Variants in BNIP3L observed in about 807,000 individuals in gnomAD.
BNIP3L encodes BCL2/adenovirus E1B 19 kDa protein-interacting protein 3-like.
BNIP3L carries 10 observed loss-of-function variants against 25.5 expected under a neutral mutation model. The ratio of observed to expected loss-of-function variants is 0.39; its 90% CI spans 0.24 to 0.67. The LOEUF is 0.67. BNIP3L is among the 30% of genes least tolerant of loss of function. The probability of loss-of-function intolerance (pLI) is 0.45; values close to 1 mark genes in which losing one functional copy is unlikely to be tolerated. For missense variants in BNIP3L, 215 were observed against 270.9 expected, an observed-to-expected ratio of 0.79 and a Z score of 1.45; for synonymous variants, 113 against 101.2, an observed-to-expected ratio of 1.12 and a Z score of -0.70.
chr8:26,412,649 C>T lies in BNIP3L; in HGVS notation c.*2237C>T, dbSNP rs1205120313. Reference sequence around the variant, plus strand: ...CTGTAGCCCTAACACATGGGATGAACGTTTTACTGCTACACCCAGATTTGT... The same window carrying T: ...CTGTAGCCCTAACACATGGGATGAATGTTTTACTGCTACACCCAGATTTGT... On this transcript the variant is annotated 3_prime_UTR_variant, in exon 6 of 6. Transcript: ENST00000380629. The T allele has an allele frequency of 3.9e-5, 6 of 152,494 alleles. No homozygotes were observed. The highest frequency in any genetic ancestry group is 7.2e-5 in the African/African-American group (3 of 41,404). The allele number at this position is 152,494 out of a possible 1,614,324, so 9.4% of individuals were successfully genotyped here. A position where few individuals can be genotyped will look rare whatever the true frequency, so the allele number is the denominator to read the frequency against.
At chr8:26,392,581 C>T (rs1040602673) in intron 2 of BNIP3L, among the ~76,000 whole-genome samples, 12 of 152,108 alleles carry the variant, frequency 7.9e-5, no homozygotes, top group African/African-American at 1.9e-4. Flanking sequence ...CCGCCACCCC[C>T]GTGTCATCCC....
In BNIP3L at chr8:26,408,333, A is replaced by G. The variant is rs1236873163; in HGVS notation, c.568A>G (p.Ile190Val). 1 of 1,614,164 alleles carries G rather than the reference A, an allele frequency of 6.2e-7. No homozygotes were observed. Among genetic ancestry groups the G allele is most frequent in the Admixed American group, 1.7e-5 (1 of 60,016 alleles). ...IFSAEFLKVF[I>V]PSLFLSHVLA... is the part of the protein sequence containing the mutation. ...CTCCGCAGAATTTCTGAAGGTGTTC[A>G]TTCCATCTCTCTTCCTTTCTCATGT... Residue 190 changes from isoleucine to valine, a missense_variant, in exon 5 of 6, where the codon ATT becomes GTT. Ile to Val is a conservative substitution (Grantham distance 29). This residue lies in a region of BNIP3L where 63 missense variants were observed against 98.8 expected (regional missense o/e 0.64). Transcript: ENST00000380629.
intron 3 of BNIP3L, among the ~76,000 whole-genome samples, chr8:26,405,603 C>T (rs1806480734): frequency 6.6e-6 from 1 of 152,168 alleles, no homozygotes; most frequent in South Asian, 2.1e-4. Context: ...GTGAATATGT[C>T]AGACTCTGCA....
intron 3 of BNIP3L, among the ~76,000 whole-genome samples, chr8:26,404,292 C>T (rs1806452745): frequency 6.6e-6 from 1 of 152,078 alleles, no homozygotes; most frequent in African/African-American, 2.4e-5. Flanking sequence ...CCAAAAATGC[C>T]AGCACAATGT....
chr8:26,403,107 A>G (rs1230675670), intron 3 of BNIP3L, among the ~76,000 whole-genome samples: 2 of 152,216 alleles, frequency 1.3e-5, no homozygotes, highest in Non-Finnish European at 2.9e-5. Flanking sequence ...AGCATAGGCT[A>G]TCATCAAGAG....
At chr8:26,383,625 G>T in intron 1 of BNIP3L, 1 of 388,548 alleles carries the variant, frequency 2.6e-6, no homozygotes, top group Non-Finnish European at 3.5e-6. Flanking sequence ...CGTGCGGCGG[G>T]GACGCCGGGG....
chr8:26,408,275 G>A lies in BNIP3L; in HGVS notation c.510G>A (p.Arg170=). Reference sequence around the variant, plus strand: ...AACGTTCTGTGTCTTTAAGCATGAGGAAAAGTGGAGCCATGAAGAAAGGGG... The same window carrying A: ...AACGTTCTGTGTCTTTAAGCATGAGAAAAAGTGGAGCCATGAAGAAAGGGG... ...HPKRSVSLSM[R]KSGAMKKGGI... The change falls in exon 5 of 6, where the codon AGG becomes AGA. Residue 170 remains arginine, a synonymous_variant. Coordinates refer to ENST00000380629, the MANE Select transcript of BNIP3L (RefSeq NM_004331.3). The A allele has an allele frequency of 6.2e-7, 1 of 1,614,174 alleles. No individual in the cohort carries two copies. The highest frequency in any genetic ancestry group is 8.5e-7 in the Non-Finnish European group (1 of 1,180,010).
At chr8:26,391,881 C>T (rs927624157) in intron 2 of BNIP3L, among the ~76,000 whole-genome samples, 2 of 152,202 alleles carry the variant, frequency 1.3e-5, no homozygotes, top group African/African-American at 2.4e-5. Flanking sequence ...AGTAATGGTG[C>T]TGGCACGTAG....
At position 26,408,363 on chromosome 8, in the gene BNIP3L, G is replaced by A; in HGVS notation, c.598G>A (p.Ala200Thr). 1 of 1,614,040 alleles carries A rather than the reference G, an allele frequency of 6.2e-7. No individual in the cohort carries two copies. The highest frequency in any genetic ancestry group is 8.5e-7 in the Non-Finnish European group (1 of 1,179,984). The change falls in exon 5 of 6, where the codon GCT becomes ACT. Residue 200 changes from alanine to threonine, a missense_variant. Physicochemically the swap from Ala to Thr is moderately conservative, Grantham distance 58. This residue lies in a region of BNIP3L where 63 missense variants were observed against 98.8 expected (regional missense o/e 0.64). Coordinates refer to ENST00000380629, the MANE Select transcript of BNIP3L (RefSeq NM_004331.3). Reference sequence around the variant, plus strand: ...ATCTCTCTTCCTTTCTCATGTTTTGGCTTTGGGGCTAGGGTAAGTACCGGT... The same window carrying A: ...ATCTCTCTTCCTTTCTCATGTTTTGACTTTGGGGCTAGGGTAAGTACCGGT... ...IPSLFLSHVL[A>T]LGLGIYIGKR...
At chr8:26,394,934 A>G (rs1806200029) in intron 2 of BNIP3L, among the ~76,000 whole-genome samples, 2 of 152,244 alleles carry the variant, frequency 1.3e-5, no homozygotes, top group African/African-American at 4.8e-5. Context: ...AAAAGAGTAA[A>G]TATAAGAGAA....
At chr8:26,396,573 T>C (rs1245789144) in intron 3 of BNIP3L, among the ~76,000 whole-genome samples, 3 of 145,986 alleles carry the variant, frequency 2.1e-5, no homozygotes, top group Non-Finnish European at 4.5e-5. Flanking sequence ...GCGCCTCTCC[T>C]CCTCCAAAGG....
In BNIP3L at chr8:26,383,150, A is replaced by AGCC. The variant is rs770554223; in HGVS notation, c.30_32dup (p.Pro11dup). The AGCC allele has an allele frequency of 5.0e-6, 8 of 1,611,198 alleles. No individual in the cohort carries two copies. The East Asian group carries it at 1.1e-4, about 22-fold the overall frequency. On this transcript the variant is annotated inframe_insertion, in exon 1 of 6. Transcript: ENST00000380629. ...CCGACAATGTCGTCCCACCTAGTCG[A>AGCC]GCCGCCGCCGCCCCTGCACAACAAC...
At chr8:26,390,217 G>A (rs766260315) in intron 1 of BNIP3L, 28 of 439,958 alleles carry the variant, frequency 6.4e-5, no homozygotes, top group Non-Finnish European at 6.9e-5. Flanking sequence ...GCCTCCCAAA[G>A]TGCTGGGATT....
At chr8:26,403,125 T>G (rs952833401) in intron 3 of BNIP3L, among the ~76,000 whole-genome samples, 2 of 152,208 alleles carry the variant, frequency 1.3e-5, no homozygotes, top group African/African-American at 4.8e-5. Flanking sequence ...GAGGAGGTAC[T>G]TACTTTATGT....
intron 1 of BNIP3L, among the ~76,000 whole-genome samples, chr8:26,390,082 A>T (rs1482593817): frequency 1.3e-5 from 2 of 152,174 alleles, no homozygotes; most frequent in Non-Finnish European, 2.9e-5. Context: ...TGTGAAGTTA[A>T]GTTTATTGGC....
Position 26,383,239 on chromosome 8 carries a change from G to T in BNIP3L, c.100+9G>T. ...GCCGGCCGGCCTCAACAGTGAGTGC[G>T]GGGCCGAGGCTCTGTGAAGGGGATG... On this transcript the variant is annotated intron_variant, in intron 1 of 5. Coordinates refer to ENST00000380629, the MANE Select transcript of BNIP3L (RefSeq NM_004331.3). 1 of 1,603,416 alleles carries T rather than the reference G, an allele frequency of 6.2e-7. No individual in the cohort carries two copies. Among genetic ancestry groups the T allele is most frequent in the South Asian group, 1.1e-5 (1 of 89,974 alleles).
chr8:26,402,568 G>T (rs1217327301), intron 3 of BNIP3L, among the ~76,000 whole-genome samples: 1 of 152,112 alleles, frequency 6.6e-6, no homozygotes, highest in Non-Finnish European at 1.5e-5. Context: ...GCAGCCCCAG[G>T]TTCCCCCACA....
chr8:26,392,017 AGG>A (rs1417175335), intron 2 of BNIP3L, among the ~76,000 whole-genome samples: 2 of 150,102 alleles, frequency 1.3e-5, no homozygotes, highest in African/African-American at 5.1e-5. Flanking sequence ...CTGCTTTCTC[AGG>A]GGATGTTTTG....
intron 1 of BNIP3L, 115 bp from the exon 2 acceptor site, chr8:26,391,128 T>C (rs1806099903): frequency 3.6e-6 from 3 of 828,558 alleles, no homozygotes; most frequent in African/African-American, 1.7e-5. Flanking sequence ...CAGAATACTT[T>C]TACATTTGGT....
Sources: gnomAD v4.1 joint callset for allele counts (sites outside exome capture counted in the v4.1 genomes callset) on GRCh38, gnomAD v4.1.1 for gene constraint, gnomAD v4.1.1 regional missense constraint, MANE v1.5 for transcripts, NCBI Gene and HGNC (gene_info 2026-07-23, HGNC 2026-07-21) for gene names.